The following PLA2G4A variants were observed in gnomAD, a reference collection of about 807,000 sequenced individuals.
PLA2G4A encodes the protein phospholipase A2 group IVA.
In PLA2G4A, 40 loss-of-function variants were observed where a neutral mutation model predicts 81.9. That is an observed-to-expected ratio of 0.49 (90% CI 0.38 to 0.64). The LOEUF is 0.64. PLA2G4A is among the 30% of genes least tolerant of loss of function. The pLI is 0.00. For missense variants in PLA2G4A, 715 were observed against 905.1 expected (o/e 0.79, Z 2.69); for synonymous variants, 302 against 296.9 (o/e 1.02, Z -0.18).
chr1:186,962,496 TTA>T (rs1656988293), intron 14 of PLA2G4A, among the ~76,000 whole-genome samples: 2 of 117,972 alleles, frequency 1.7e-5, no homozygotes, highest in Non-Finnish European at 3.0e-5. Flanking sequence ...TTTTATTTAT[TTA>T]TTTATTTATT....
At chr1:186,969,051 A>C (rs1202739183) in intron 15 of PLA2G4A, among the ~76,000 whole-genome samples, 2 of 151,874 alleles carry the variant, frequency 1.3e-5, no homozygotes, top group Non-Finnish European at 2.9e-5. Context: ...TGTTCCTATT[A>C]ATAAACATTC....
chr1:186,930,674 C>T (rs1655710948), intron 7 of PLA2G4A, among the ~76,000 whole-genome samples: 1 of 152,114 alleles, frequency 6.6e-6, no homozygotes, highest in Admixed American at 6.6e-5. Context: ...CTACAATTAA[C>T]CATACCTATA....
At chr1:186,852,133 A>T (rs1359763785) in intron 1 of PLA2G4A, among the ~76,000 whole-genome samples, 9 of 152,106 alleles carry the variant, frequency 5.9e-5, no homozygotes, top group Middle Eastern at 3.4e-3. Flanking sequence ...ACATGTGCCT[A>T]CACAGGGACT....
At chr1:186,887,306 G>A (rs1399634583) in intron 3 of PLA2G4A, among the ~76,000 whole-genome samples, 1 of 152,234 alleles carries the variant, frequency 6.6e-6, no homozygotes, top group Non-Finnish European at 1.5e-5. Context: ...TTAAAATAGA[G>A]CTAGGAGTTT....
chr1:186,912,733 T>TATATATGTATATATATAC lies in PLA2G4A; in HGVS notation c.558+1350_558+1351insGTATATATATACATATAT, dbSNP rs1558429895. 1.6e-3 allele frequency among the ~76,000 whole-genome samples: 232 copies of TATATATGTATATATATAC among 142,416 alleles called. 2 individuals are homozygous for TATATATGTATATATATAC. Among genetic ancestry groups the TATATATGTATATATATAC allele is most frequent in the African/African-American group, 6.0e-3 (222 of 36,922 alleles). 93.4% of individuals were successfully genotyped at this position (142,416 alleles called of 152,430 possible). On this transcript the variant is annotated intron_variant, in intron 7 of 17. Coordinates refer to ENST00000367466, the MANE Select transcript of PLA2G4A (RefSeq NM_024420.3). ...ATATATATGTATATTTATATATACATATATATACATATATATGTATATATA... is the reference window on the plus strand; with the variant it reads ...ATATATATGTATATTTATATATACATATATATGTATATATATACATATATACATATATATGTATATATA...
At chr1:186,965,296 C>A in intron 14 of PLA2G4A, 113 bp from the exon 15 acceptor site, 1 of 786,588 alleles carries the variant, frequency 1.3e-6, no homozygotes, top group Non-Finnish European at 2.1e-6. Flanking sequence ...GTCTCCAAAG[C>A]CTGAGGGCCT....
chr1:186,881,061 A>G (rs996585905), intron 3 of PLA2G4A, among the ~76,000 whole-genome samples: 18 of 152,106 alleles, frequency 1.2e-4, no homozygotes, highest in Admixed American at 9.9e-4. Flanking sequence ...AATGTACTAA[A>G]TCAATTGCTA....
rs72482638 is a variant in PLA2G4A at position 186,957,426 on chromosome 1, G to A, written c.1579+1082G>A. ...ACTTCAGAATCATCCCCACAAATGTGTTGGCAACTGTGCTTGGCAGCAGAA... is the reference window on the plus strand; with the variant it reads ...ACTTCAGAATCATCCCCACAAATGTATTGGCAACTGTGCTTGGCAGCAGAA... On this transcript the variant is annotated intron_variant, in intron 14 of 17. Transcript: ENST00000367466. Among the ~76,000 whole-genome samples, 133 of 152,326 alleles carry A rather than the reference G, an allele frequency of 8.7e-4. 1 individual carries two copies. The East Asian group carries it at 0.024, about 28-fold the overall frequency.
chr1:186,939,915 G>A, intron 9 of PLA2G4A, 65 bp from the exon 10 acceptor site: 3 of 800,042 alleles, frequency 3.7e-6, no homozygotes, highest in Non-Finnish European at 6.8e-6. Flanking sequence ...GTACTATTTT[G>A]AATAGCATTC....
intron 7 of PLA2G4A, among the ~76,000 whole-genome samples, chr1:186,931,255 C>A (rs1052658408): frequency 9.2e-5 from 14 of 152,072 alleles, no homozygotes; most frequent in African/African-American, 3.4e-4. Context: ...CACATACACA[C>A]ACATGTACAC....
At chr1:186,968,440 C>T (rs369588140) in intron 15 of PLA2G4A, among the ~76,000 whole-genome samples, 1 of 21,966 alleles carries the variant, frequency 4.6e-5, no homozygotes, top group African/African-American at 1.9e-4. Context: ...GTGTATGTGT[C>T]TATACCAGGG....
intron 1 of PLA2G4A, among the ~76,000 whole-genome samples, chr1:186,836,624 T>C (rs963756296): frequency 1.3e-5 from 2 of 152,168 alleles, no homozygotes; most frequent in Non-Finnish European, 1.5e-5. Flanking sequence ...CAATTTTGCC[T>C]CCTATGTCAA....
At chr1:186,984,546 T>A (rs1159972932) in intron 17 of PLA2G4A, among the ~76,000 whole-genome samples, 1 of 152,218 alleles carries the variant, frequency 6.6e-6, no homozygotes, top group Non-Finnish European at 1.5e-5. Flanking sequence ...TGAGGATACA[T>A]CCATATCCAG....
At chr1:186,907,247 A>G (rs1349494693) in intron 6 of PLA2G4A, among the ~76,000 whole-genome samples, 2 of 152,164 alleles carry the variant, frequency 1.3e-5, no homozygotes, top group South Asian at 4.1e-4. Flanking sequence ...ATGGTCATAT[A>G]ATAATGTCAG....
intron 7 of PLA2G4A, among the ~76,000 whole-genome samples, chr1:186,925,536 G>A (rs915414548): frequency 3.9e-5 from 6 of 151,992 alleles, no homozygotes; most frequent in East Asian, 1.9e-4. Flanking sequence ...ATCTTTCCCC[G>A]GTTGGAGGTC....
chr1:186,849,558 C>T (rs144082342), intron 1 of PLA2G4A, among the ~76,000 whole-genome samples: 3 of 152,158 alleles, frequency 2.0e-5, no homozygotes, highest in Non-Finnish European at 2.9e-5. Context: ...GCCACTTTCA[C>T]GTTTGCTCAC....
Position 186,905,385 on chromosome 1 carries a change from T to C in PLA2G4A, c.379-1580T>C, listed in dbSNP as rs544974482. Among the ~76,000 whole-genome samples the C allele has an allele frequency of 1.3e-4, 17 of 127,840 alleles. No homozygotes were observed. The South Asian group carries it at 3.6e-3, about 27-fold the overall frequency. The allele number at this position is 127,840 out of a possible 152,430, so 83.9% of individuals were successfully genotyped here. On this transcript the variant is annotated intron_variant, in intron 5 of 17. Coordinates refer to ENST00000367466, the MANE Select transcript of PLA2G4A (RefSeq NM_024420.3). ...AAATCTAGTATCATTTTAAGGGCAA[T>C]TTTTATGTATTTCTTGAAAAAAAAA...
chr1:186,894,638 T>A (rs1158698568), intron 5 of PLA2G4A, among the ~76,000 whole-genome samples: 1 of 152,234 alleles, frequency 6.6e-6, no homozygotes, highest in Middle Eastern at 3.4e-3. Context: ...CAAAACCACA[T>A]GTTTAGTAAT....
intron 7 of PLA2G4A, among the ~76,000 whole-genome samples, chr1:186,915,489 C>T (rs1169090749): frequency 6.6e-6 from 1 of 152,148 alleles, no homozygotes; most frequent in Non-Finnish European, 1.5e-5. Flanking sequence ...GGGGGCCATT[C>T]ATTATCTTTC....
Sources: allele counts gnomAD v4.1 joint callset (sites outside exome capture counted in the v4.1 genomes callset), GRCh38; gene constraint gnomAD v4.1.1; transcripts MANE v1.5; gene names NCBI Gene and HGNC (gene_info 2026-07-23, HGNC 2026-07-21).